CELF2: variants seen among roughly 807,000 people sequenced by gnomAD.
The protein encoded by CELF2 is CUGBP Elav-like family member 2.
In CELF2, 8 loss-of-function variants were observed where a neutral mutation model predicts 62.6. The observed-to-expected ratio is 0.13, with a 90% CI of 0.07 to 0.23. CELF2 has a LOEUF of 0.23. Ranked by LOEUF, CELF2 falls within the 10% of genes least tolerant of loss-of-function variation. CELF2 has a pLI of 1.00. For synonymous variants in CELF2, 258 were observed against 250.0 expected, an observed-to-expected ratio of 1.03 and a Z score of -0.30; for missense variants, 333 against 671.0, an observed-to-expected ratio of 0.50 and a Z score of 5.56.
In CELF2 at chr10:11,191,476, G is replaced by A. The variant is rs12250496; in HGVS notation, c.271+25794G>A. On this transcript the variant is annotated intron_variant, in intron 2 of 12. Coordinates refer to ENST00000633077, the MANE Select transcript of CELF2 (RefSeq NM_001326342.2). This position sits in a 1 kb window ranked among gnomAD's most constrained non-coding sequence, Gnocchi z 4.1. ...GGGGAGGAGACCTCTGGACCAGGAC[G>A]TGCTGTGGGGCGTCAGCTACCAACC... 0.017 allele frequency among the ~76,000 whole-genome samples: 2,543 copies of A among 152,240 alleles called. 80 individuals are homozygous for A. The highest frequency in any genetic ancestry group is 0.058 in the African/African-American group (2,403 of 41,510).
the CELF2 span, among the ~76,000 whole-genome samples, chr10:10,702,768 T>C: frequency 1.3e-5 from 2 of 152,334 alleles, no homozygotes; most frequent in East Asian, 3.9e-4. Context: ...GTATTTTTAG[T>C]AGAGACGGGT....
chr10:10,648,191 T>A, the CELF2 span, among the ~76,000 whole-genome samples: 1 of 152,170 alleles, frequency 6.6e-6, no homozygotes, highest in African/African-American at 2.4e-5. Flanking sequence ...GTTGACGTCA[T>A]TTACCTGAAG....
rs1340200042 is a variant in CELF2, at chr10:11,224,572, A to G, written c.354+7065A>G. Among the ~76,000 whole-genome samples, 1 of 152,172 alleles carries G rather than the reference A, an allele frequency of 6.6e-6. No individual in the cohort carries two copies. Among genetic ancestry groups the G allele is most frequent in the Non-Finnish European group, 1.5e-5 (1 of 68,046 alleles). Reference sequence around the variant, plus strand: ...ATTAAAGGTCTGCATGGAATTACAGAGGAAGGAGGTGAGCCATGATAATCA... The same window carrying G: ...ATTAAAGGTCTGCATGGAATTACAGGGGAAGGAGGTGAGCCATGATAATCA... On this transcript the variant is annotated intron_variant, in intron 3 of 12. Transcript: ENST00000633077. The surrounding 1 kb of genome is among the most constrained non-coding windows in gnomAD (Gnocchi z 4.5).
chr10:11,102,378 C>G (rs759997356), intron 1 of CELF2, among the ~76,000 whole-genome samples: 9 of 152,234 alleles, frequency 5.9e-5, no homozygotes, highest in Non-Finnish European at 1.3e-4. Context: ...CTAAGCAATT[C>G]TCAGTTCATA....
intron 7 of CELF2, among the ~76,000 whole-genome samples, chr10:11,271,547 TG>T (rs2083786044): frequency 6.6e-6 from 1 of 152,244 alleles, no homozygotes; most frequent in South Asian, 2.1e-4. Flanking sequence ...AGATGCGGGC[TG>T]GAAGGCAGCC....
At chr10:11,107,855 A>C (rs1447692939) in intron 1 of CELF2, among the ~76,000 whole-genome samples, 7 of 78,608 alleles carry the variant, frequency 8.9e-5, no homozygotes, top group Admixed American at 1.4e-4. Context: ...ATTTCTCCCC[A>C]TCCCTTCTAC....
In CELF2 at chr10:11,285,065, G is replaced by T. The variant is rs1001269549; in HGVS notation, c.842-3353G>T. Reference sequence around the variant, plus strand: ...AATTAAGTGGATGGATGGATAGTTGGGTGGTTACGCGGAATGATGGATGGA... The same window carrying T: ...AATTAAGTGGATGGATGGATAGTTGTGTGGTTACGCGGAATGATGGATGGA... On this transcript the variant is annotated intron_variant, in intron 8 of 12. Coordinates refer to ENST00000633077, the MANE Select transcript of CELF2 (RefSeq NM_001326342.2). This position sits in a 1 kb window ranked among gnomAD's most constrained non-coding sequence, Gnocchi z 4.3. Among the ~76,000 whole-genome samples, 5 of 150,364 alleles carry T rather than the reference G, an allele frequency of 3.3e-5. No individual in the cohort carries two copies. The highest frequency in any genetic ancestry group is 1.2e-4 in the African/African-American group (5 of 40,776).
intron 1 of CELF2, among the ~76,000 whole-genome samples, chr10:11,135,140 C>T (rs960401591): frequency 1.3e-5 from 2 of 152,188 alleles, no homozygotes; most frequent in African/African-American, 4.8e-5. Flanking sequence ...TGTGTTTTTC[C>T]TCCTGAGAAG....
At chr10:11,295,189 A>G (rs2093019420) in intron 9 of CELF2, among the ~76,000 whole-genome samples, 1 of 151,664 alleles carries the variant, frequency 6.6e-6, no homozygotes, top group African/African-American at 2.4e-5. Context: ...CTCTGTAGTG[A>G]CTGTCACCTC....
intron 1 of CELF2, among the ~76,000 whole-genome samples, chr10:10,824,554 A>G (rs1223339334): frequency 1.3e-5 from 2 of 152,202 alleles, no homozygotes; most frequent in Non-Finnish European, 2.9e-5. Flanking sequence ...CCCTGCCCCC[A>G]TGGCTCTTGG....
chr10:11,005,699 C>T lies in CELF2; in HGVS notation c.53+259C>T, dbSNP rs551314711. Among the ~76,000 whole-genome samples, 1 of 152,188 alleles carries T rather than the reference C, an allele frequency of 6.6e-6. No homozygotes were observed. The highest frequency in any genetic ancestry group is 1.5e-5 in the Non-Finnish European group (1 of 68,034). ...TGAAAGCATATCATGTATTTGCTCA[C>T]TGCTATTTGTGAGTGGCCAGTGGAT... On this transcript the variant is annotated intron_variant, in intron 1 of 12. Transcript: ENST00000416382. This position sits in a 1 kb window ranked among gnomAD's most constrained non-coding sequence, Gnocchi z 4.3.
At chr10:11,183,330 CTCA>C (rs1565147611) in intron 2 of CELF2, among the ~76,000 whole-genome samples, 1 of 152,204 alleles carries the variant, frequency 6.6e-6, no homozygotes, top group African/African-American at 2.4e-5. Flanking sequence ...GGTACCACAG[CTCA>C]TCACCTCTCC....
chr10:11,082,301 G>T (rs2141453256), intron 1 of CELF2, among the ~76,000 whole-genome samples: 1 of 152,320 alleles, frequency 6.6e-6, no homozygotes, highest in East Asian at 1.9e-4. Context: ...GCAGCCAACG[G>T]TTGAACTTTG....
At chr10:10,511,373 C>A in the CELF2 span, among the ~76,000 whole-genome samples, 3 of 152,196 alleles carry the variant, frequency 2.0e-5, no homozygotes, top group African/African-American at 7.2e-5. Context: ...GATCATGCCA[C>A]TGCATTCCAG....
intron 2 of CELF2, among the ~76,000 whole-genome samples, chr10:11,200,227 A>G (rs2058910739): frequency 6.6e-6 from 1 of 152,116 alleles, no homozygotes; most frequent in Non-Finnish European, 1.5e-5. Flanking sequence ...CTGCCTACGA[A>G]TTTGTTAGGG....
chr10:10,490,728 G>A, the CELF2 span, among the ~76,000 whole-genome samples: 2 of 152,206 alleles, frequency 1.3e-5, no homozygotes, highest in East Asian at 3.9e-4. Flanking sequence ...CCCCTAGACT[G>A]GGAGTGGTCA....
At chr10:10,479,781 T>G in the CELF2 span, among the ~76,000 whole-genome samples, 1 of 152,212 alleles carries the variant, frequency 6.6e-6, no homozygotes, top group Non-Finnish European at 1.5e-5. Flanking sequence ...CCTCAAACAT[T>G]CGTTATGTGG....
the CELF2 span, among the ~76,000 whole-genome samples, chr10:10,555,552 G>T: frequency 6.6e-6 from 1 of 152,132 alleles, no homozygotes; most frequent in Non-Finnish European, 1.5e-5. Context: ...AACAAAATTG[G>T]ATTTGCTCTG....
At chr10:11,257,481 G>T in intron 4 of CELF2, 1 of 384,986 alleles carries the variant, frequency 2.6e-6, no homozygotes, top group Non-Finnish European at 4.9e-6. Context: ...GAACTTAACA[G>T]CATTACATGT....
Sources: gnomAD v4.1 joint callset for allele counts (sites outside exome capture counted in the v4.1 genomes callset) on GRCh38, gnomAD v4.1.1 for gene constraint, Gnocchi (gnomAD v3.1) non-coding constraint, MANE v1.5 for transcripts, NCBI Gene and HGNC (gene_info 2026-07-23, HGNC 2026-07-21) for gene names.